PROX1: variants seen among roughly 807,000 people sequenced by gnomAD.
The protein encoded by PROX1 is prospero homeobox protein 1.
In PROX1, 7 loss-of-function variants were observed where a neutral mutation model predicts 58.8. That is an observed-to-expected ratio of 0.12 (90% CI 0.07 to 0.22). The LOEUF is 0.22. Ranked by LOEUF, PROX1 falls within the 10% of genes least tolerant of loss-of-function variation. The probability of loss-of-function intolerance (pLI) is 1.00; values close to 1 mark genes in which losing one functional copy is unlikely to be tolerated. For synonymous variants in PROX1, 350 were observed against 358.3 expected (o/e 0.98, Z 0.26); for missense variants, 675 against 927.8 (o/e 0.73, Z 3.54).
At chr1:214,033,481 T>C (rs546815676) in intron 4 of PROX1, among the ~76,000 whole-genome samples, 1 of 152,148 alleles carries the variant, frequency 6.6e-6, no homozygotes, top group East Asian at 1.9e-4. Flanking sequence ...GCCTGTAATC[T>C]CAGCTACTCA....
chr1:213,989,053 C>A (rs1662919813), intron 1 of PROX1, among the ~76,000 whole-genome samples: 1 of 152,088 alleles, frequency 6.6e-6, no homozygotes, highest in Non-Finnish European at 1.5e-5. Flanking sequence ...ATTATAGCTG[C>A]CTTTCTTCCC....
chr1:214,002,412 C>CTTTT (rs774337530), intron 2 of PROX1, among the ~76,000 whole-genome samples: 8,465 of 116,040 alleles, frequency 0.073, 487 homozygotes, highest in East Asian at 0.17. Flanking sequence ...TTTCTTTTTT[C>CTTTT]TTTTTTTTTT....
intron 4 of PROX1, among the ~76,000 whole-genome samples, chr1:214,025,583 G>A (rs930110072): frequency 3.9e-5 from 6 of 151,954 alleles, no homozygotes; most frequent in Non-Finnish European, 5.9e-5. Flanking sequence ...CTGACCACCG[G>A]CTGAAGGTTT....
chr1:214,001,011 A>G (rs1263065745), intron 2 of PROX1, among the ~76,000 whole-genome samples: 1 of 152,100 alleles, frequency 6.6e-6, no homozygotes, highest in African/African-American at 2.4e-5. Flanking sequence ...TACAACTGTG[A>G]TTGCTATTAT....
chr1:214,027,920 A>G (rs1217684589), intron 4 of PROX1, among the ~76,000 whole-genome samples: 3 of 151,446 alleles, frequency 2.0e-5, no homozygotes, highest in Non-Finnish European at 4.4e-5. Flanking sequence ...TGTTTAGACC[A>G]AGGAAACATA....
At chr1:213,984,486 C>T (rs2102668409), upstream of PROX1, 1 of 152,406 alleles carries the variant, frequency 6.6e-6, no homozygotes, top group South Asian at 2.1e-4. Flanking sequence ...CAGGAGGCTT[C>T]TAAGCAGTGG....
chr1:213,995,499 G>T (rs1663229072), intron 1 of PROX1, among the ~76,000 whole-genome samples: 1 of 151,152 alleles, frequency 6.6e-6, no homozygotes, highest in South Asian at 2.1e-4. Context: ...CAGGAAATAA[G>T]GTTCACAAAT....
At chr1:214,029,401 T>C (rs574643325) in intron 4 of PROX1, 13 of 152,274 alleles carry the variant, frequency 8.5e-5, no homozygotes, top group African/African-American at 3.1e-4. Flanking sequence ...TTTGTGCTCT[T>C]ATATAGAGCA....
chr1:214,005,343 T>C, intron 3 of PROX1, 71 bp downstream of exon 3: 1 of 1,179,330 alleles, frequency 8.5e-7, no homozygotes, highest in Admixed American at 1.9e-5. Context: ...TCCCGGAAGT[T>C]AATGGAGATG....
chr1:214,032,253 C>T (rs1322192014), intron 4 of PROX1, among the ~76,000 whole-genome samples: 1 of 152,190 alleles, frequency 6.6e-6, no homozygotes, highest in Non-Finnish European at 1.5e-5. Flanking sequence ...AATGCAAAGA[C>T]ACCTTACCTC....
At chr1:214,007,019 C>T (rs535208738) in intron 3 of PROX1, among the ~76,000 whole-genome samples, 4 of 152,128 alleles carry the variant, frequency 2.6e-5, no homozygotes, top group African/African-American at 7.2e-5. Context: ...CAACAGTAGA[C>T]GTCAATATTA....
intron 2 of PROX1, 122 bp downstream of exon 2, chr1:213,998,382 T>G (rs1169188836): frequency 1.7e-6 from 2 of 1,209,204 alleles, no homozygotes; most frequent in Admixed American, 2.7e-5. Flanking sequence ...ACCTTTCCCA[T>G]TATTCAAAGG....
Position 213,988,426 on chromosome 1 carries a change from TAGAGAGAGAGAGAG to T in PROX1, c.-108_-95del, listed in dbSNP as rs563659906. 5.8e-5 allele frequency: 8 copies of T among 136,882 alleles called. No homozygotes were observed. The highest frequency in any genetic ancestry group is 2.5e-4 in the South Asian group (1 of 4,074). The allele number at this position is 136,882 out of a possible 1,614,324, so 8.5% of individuals were successfully genotyped here. On this transcript the variant is annotated 5_prime_UTR_variant, in exon 1 of 5. Coordinates refer to ENST00000366958, the MANE Select transcript of PROX1 (RefSeq NM_001270616.2). ...GGGAAAAAAAAGAGAGAGAGAGAGA[TAGAGAGAGAGAGAG>T]AGAGAGAGAGAGAGAGGCTCGGTCC...
chr1:213,997,117 C>T lies in PROX1; in HGVS notation c.582C>T (p.Ala194=), dbSNP rs1227584888. 3.1e-6 allele frequency: 5 copies of T among 1,613,664 alleles called. No homozygotes were observed. The highest frequency in any genetic ancestry group is 4.2e-6 in the Non-Finnish European group (5 of 1,179,870). Residue 194 remains alanine, a synonymous_variant, in exon 2 of 5, where the codon GCC becomes GCT. Transcript: ENST00000366958. The surrounding 1 kb of genome is among the most constrained non-coding windows in gnomAD (Gnocchi z 7.1). ...GCAATGAAAATGAAAGAGAGATGGC[C>T]CCGCAGTCTGTGAGTCCCCGAGAAA... ...LRGNENEREM[A]PQSVSPRESY... is the part of the protein sequence containing the mutation.
At chr1:214,028,745 G>C (rs142300304) in intron 4 of PROX1, 91 of 152,324 alleles carry the variant, frequency 6.0e-4, no homozygotes, top group Middle Eastern at 3.4e-3. Flanking sequence ...AGGATTCACT[G>C]TGTATAGCAT....
At chr1:214,016,783 C>T (rs559057733) in intron 4 of PROX1, among the ~76,000 whole-genome samples, 94 of 152,200 alleles carry the variant, frequency 6.2e-4, no homozygotes, top group Non-Finnish European at 1.1e-3. Flanking sequence ...GAATTCTATG[C>T]GTGCATGAGG....
At chr1:214,005,923 G>C (rs562970744) in intron 3 of PROX1, among the ~76,000 whole-genome samples, 33 of 151,620 alleles carry the variant, frequency 2.2e-4, no homozygotes, top group South Asian at 4.2e-4. Flanking sequence ...GGACCTCCTG[G>C]TTCTCTCTGT....
intron 2 of PROX1, among the ~76,000 whole-genome samples, chr1:214,003,825 G>C (rs1468204977): frequency 2.6e-5 from 4 of 152,190 alleles, no homozygotes; most frequent in Non-Finnish European, 5.9e-5. Flanking sequence ...TGCTTCTCTA[G>C]TAACTTTCTG....
In PROX1 at chr1:214,003,666, A is replaced by G. The variant is rs192727188; in HGVS notation, c.1726-1499A>G. Among the ~76,000 whole-genome samples, 17 of 152,346 alleles carry G rather than the reference A, an allele frequency of 1.1e-4. No homozygotes were observed. In the East Asian group the frequency reaches 2.9e-3, roughly 26 times the overall value. On this transcript the variant is annotated intron_variant, in intron 2 of 4. Transcript: ENST00000366958. ...AATAAAAAAATAAAAAACCTGCACT[A>G]CTTAACTTTTCTATTTACAGACCAA... is the stretch of plus-strand genomic sequence containing the variant.
Sources: gnomAD v4.1 joint callset for allele counts (sites outside exome capture counted in the v4.1 genomes callset) on GRCh38, gnomAD v4.1.1 for gene constraint, Gnocchi (gnomAD v3.1) non-coding constraint, MANE v1.5 for transcripts, NCBI Gene and HGNC (gene_info 2026-07-23, HGNC 2026-07-21) for gene names.